The following ADA variants were observed in gnomAD, a reference collection of about 807,000 sequenced individuals.
ADA encodes adenosine deaminase, also known as adenosine aminohydrolase.
In ADA, 45 loss-of-function variants were observed where a neutral mutation model predicts 49.0. The ratio of observed to expected loss-of-function variants is 0.92; its 90% CI spans 0.72 to 1.18. The LOEUF is 1.18. ADA is among the 50% of genes most tolerant of loss of function. ADA has a pLI of 0.00. For synonymous variants in ADA, 173 were observed against 184.2 expected, an observed-to-expected ratio of 0.94 and a Z score of 0.49; for missense variants, 445 against 472.5, an observed-to-expected ratio of 0.94 and a Z score of 0.54.
intron 1 of ADA, among the ~76,000 whole-genome samples, chr20:44,649,367 G>A (rs1200842687): frequency 6.6e-6 from 1 of 151,972 alleles, no homozygotes; most frequent in Non-Finnish European, 1.5e-5. Context: ...GCTCACACAA[G>A]TTCCTCCTCA....
chr20:44,623,019 TTCGGCCGAGCCCA>T lies in ADA; in HGVS notation c.653_665del (p.Val218GlufsTer2). ...CCCAGGCCCTCACCTCTTTTACTAC[TTCGGCCGAGCCCA>T]CCTCCCCGGCGTGGACAGTACGGTG... On this transcript the variant is annotated frameshift_variant, in exon 7 of 12. Transcript: ENST00000372874. LOFTEE classifies it high-confidence loss of function. 6.2e-7 allele frequency: 1 copy of T among 1,614,174 alleles called. No individual in the cohort carries two copies. The highest frequency in any genetic ancestry group is 8.5e-7 in the Non-Finnish European group (1 of 1,180,026).
intron 5 of ADA, among the ~76,000 whole-genome samples, chr20:44,624,544 G>T: frequency 6.6e-6 from 1 of 152,334 alleles, no homozygotes; most frequent in East Asian, 1.9e-4. Context: ...AAAGAACCCT[G>T]CCAGCTATTG....
In ADA at chr20:44,619,776, C is replaced by T; in HGVS notation, c.*58G>A. On this transcript the variant is annotated 3_prime_UTR_variant, in exon 12 of 12. Coordinates refer to ENST00000372874, the MANE Select transcript of ADA (RefSeq NM_000022.4). Reference sequence around the variant, plus strand: ...GGAAGGAATAAATGTAAAAATGTTGCTCAGCCCCACAGAGTTGGGGTGACT... The same window carrying T: ...GGAAGGAATAAATGTAAAAATGTTGTTCAGCCCCACAGAGTTGGGGTGACT... 4 of 1,608,952 alleles carry T rather than the reference C, an allele frequency of 2.5e-6. No homozygotes were observed. Among genetic ancestry groups the T allele is most frequent in the South Asian group, 2.2e-5 (2 of 90,956 alleles).
chr20:44,650,465 T>C (rs2065633717), intron 1 of ADA, among the ~76,000 whole-genome samples: 1 of 152,138 alleles, frequency 6.6e-6, no homozygotes, highest in Non-Finnish European at 1.5e-5. Flanking sequence ...TCTCGCTCTG[T>C]CTCCCAGGCT....
chr20:44,635,696 C>T (rs1392542687), intron 2 of ADA, among the ~76,000 whole-genome samples: 4 of 152,066 alleles, frequency 2.6e-5, no homozygotes, highest in Non-Finnish European at 5.9e-5. Context: ...GTCAGGAGTT[C>T]GAGACCAGCC....
chr20:44,631,977 A>G (rs990331770), intron 2 of ADA, among the ~76,000 whole-genome samples: 2 of 152,174 alleles, frequency 1.3e-5, no homozygotes, highest in African/African-American at 4.8e-5. Context: ...TGCCCACACC[A>G]GAGACGGGCG....
chr20:44,637,426 G>A (rs1183036892), intron 1 of ADA, among the ~76,000 whole-genome samples: 1 of 152,230 alleles, frequency 6.6e-6, no homozygotes, highest in African/African-American at 2.4e-5. Context: ...TGTTTACCAT[G>A]AGCTGTTAGG....
intron 5 of ADA, 21 bp from the exon 6 acceptor site, chr20:44,624,350 C>G (rs1285190799): frequency 1.2e-5 from 19 of 1,612,130 alleles, no homozygotes; most frequent in Middle Eastern, 3.9e-4. Flanking sequence ...GATGCCCACC[C>G]AGGCTCTGTC....
chr20:44,620,194 C>G (rs1600914989), intron 11 of ADA, 105 bp downstream of exon 11: 2 of 1,035,646 alleles, frequency 1.9e-6, no homozygotes, highest in East Asian at 4.7e-5. Context: ...ATCACACATT[C>G]ATGGCGCTGC....
At chr20:44,626,724 C>T in intron 3 of ADA, 125 bp from the exon 4 acceptor site, 1 of 1,187,512 alleles carries the variant, frequency 8.4e-7, no homozygotes, top group Non-Finnish European at 1.2e-6. Context: ...AAGCTCTGGG[C>T]ATCCACTGGA....
intron 1 of ADA, among the ~76,000 whole-genome samples, chr20:44,645,735 G>C (rs1004154934): frequency 2.0e-5 from 3 of 152,190 alleles, no homozygotes; most frequent in African/African-American, 7.2e-5. Context: ...AGGTGGGTAT[G>C]GGTATAATTC....
chr20:44,650,015 G>A (rs746186650), intron 1 of ADA, among the ~76,000 whole-genome samples: 3 of 152,144 alleles, frequency 2.0e-5, no homozygotes, highest in Admixed American at 6.5e-5. Flanking sequence ...GATTATAGGC[G>A]TGAGCCACTG....
intron 2 of ADA, among the ~76,000 whole-genome samples, chr20:44,635,102 C>T (rs749041100): frequency 6.6e-6 from 1 of 152,216 alleles, no homozygotes; most frequent in Non-Finnish European, 1.5e-5. Context: ...AAATTTGAAT[C>T]CAGATCCACT....
chr20:44,647,385 G>A (rs1248533592), intron 1 of ADA, among the ~76,000 whole-genome samples: 2 of 151,744 alleles, frequency 1.3e-5, no homozygotes, highest in Admixed American at 6.6e-5. Flanking sequence ...GCAGTGAGCC[G>A]AGGTCGTGCC....
chr20:44,628,035 G>A (rs1193282083), intron 3 of ADA, among the ~76,000 whole-genome samples: 1 of 152,252 alleles, frequency 6.6e-6, no homozygotes, highest in East Asian at 1.9e-4. Context: ...CAGGGCCACT[G>A]TGTTGATCAC....
chr20:44,645,706 C>T (rs1247248894), intron 1 of ADA, among the ~76,000 whole-genome samples: 4 of 152,178 alleles, frequency 2.6e-5, no homozygotes, highest in Non-Finnish European at 5.9e-5. Flanking sequence ...CTGAGCCAGG[C>T]CTGCACTTGG....
intron 2 of ADA, among the ~76,000 whole-genome samples, chr20:44,632,666 C>T (rs2145331698): frequency 1.3e-5 from 2 of 152,296 alleles, no homozygotes; most frequent in East Asian, 1.9e-4. Flanking sequence ...AGCGAAGGCT[C>T]CTCATAGGGC....
At chr20:44,632,488 C>T (rs1318456572) in intron 2 of ADA, among the ~76,000 whole-genome samples, 1 of 152,094 alleles carries the variant, frequency 6.6e-6, no homozygotes, top group Non-Finnish European at 1.5e-5. Flanking sequence ...TGTGGGGGCC[C>T]GACAGGAGAC....
chr20:44,621,592 T>G (rs1329976171), intron 9 of ADA, among the ~76,000 whole-genome samples: 1 of 152,212 alleles, frequency 6.6e-6, no homozygotes, highest in Admixed American at 6.5e-5. Context: ...ACCATCTTGT[T>G]GTATCTAATG....
Sources: gnomAD v4.1 joint callset for allele counts (sites outside exome capture counted in the v4.1 genomes callset) on GRCh38, gnomAD v4.1.1 for gene constraint, MANE v1.5 for transcripts, NCBI Gene and HGNC (gene_info 2026-07-23, HGNC 2026-07-21) for gene names.